Variants in PLCH1 observed in about 807,000 individuals in gnomAD.
The protein encoded by PLCH1 is 1-phosphatidylinositol 4,5-bisphosphate phosphodiesterase eta-1.
A neutral mutation model predicts 126.7 loss-of-function variants in PLCH1; 60 were observed. The observed-to-expected ratio is 0.47, with a 90% CI of 0.38 to 0.59. The LOEUF is 0.59. Ranked by LOEUF, PLCH1 falls within the 20% of genes least tolerant of loss-of-function variation. PLCH1 has a pLI of 0.00. For synonymous variants in PLCH1, 719 were observed against 734.9 expected (o/e 0.98, Z 0.35); for missense variants, 1,723 against 2,040.0 (o/e 0.84, Z 2.99).
At chr3:155,538,423 C>T (rs1723743849) in intron 10 of PLCH1, among the ~76,000 whole-genome samples, 1 of 151,608 alleles carries the variant, frequency 6.6e-6, no homozygotes, top group South Asian at 2.1e-4. Context: ...GAAATTGAAA[C>T]AACAACAAAA....
intron 2 of PLCH1, among the ~76,000 whole-genome samples, chr3:155,675,712 CT>C (rs892743514): frequency 6.6e-6 from 1 of 152,018 alleles, no homozygotes; most frequent in African/African-American, 2.4e-5. Context: ...GACTTATAAC[CT>C]AAGAATACAA....
At chr3:155,471,840 C>T (rs1435852783) in intron 21 of PLCH1, among the ~76,000 whole-genome samples, 1 of 152,030 alleles carries the variant, frequency 6.6e-6, no homozygotes, top group African/African-American at 2.4e-5. Context: ...GGATACATAA[C>T]GAAATGAAGG....
intron 2 of PLCH1, among the ~76,000 whole-genome samples, chr3:155,636,767 T>C (rs1738774706): frequency 6.6e-6 from 1 of 151,272 alleles, no homozygotes; most frequent in African/African-American, 2.4e-5. Flanking sequence ...AAATTAGATT[T>C]TGTGTCTCAG....
At chr3:155,479,559 C>T (rs1713711779), downstream of PLCH1, among the ~76,000 whole-genome samples, 1 of 151,994 alleles carries the variant, frequency 6.6e-6, no homozygotes, top group African/African-American at 2.4e-5. Flanking sequence ...CCCCCACCCA[C>T]GACCACCACC....
chr3:155,695,698 C>A (rs1351828333), intron 2 of PLCH1, among the ~76,000 whole-genome samples: 1 of 152,182 alleles, frequency 6.6e-6, no homozygotes, highest in African/African-American at 2.4e-5. Flanking sequence ...GTAATGATAA[C>A]ACAATGAAGC....
chr3:155,665,162 A>T (rs779846850), intron 2 of PLCH1, among the ~76,000 whole-genome samples: 3 of 152,144 alleles, frequency 2.0e-5, no homozygotes, highest in African/African-American at 4.8e-5. Flanking sequence ...TAACATGTTG[A>T]CAACAGCAGA....
intron 2 of PLCH1, among the ~76,000 whole-genome samples, chr3:155,691,999 C>G (rs1451352454): frequency 6.6e-6 from 1 of 151,318 alleles, no homozygotes; most frequent in Non-Finnish European, 1.5e-5. Context: ...CCACTGCACT[C>G]CAACCTGGCA....
chr3:155,588,233 C>T (rs1349988696), intron 4 of PLCH1, among the ~76,000 whole-genome samples: 1 of 151,958 alleles, frequency 6.6e-6, no homozygotes, highest in Non-Finnish European at 1.5e-5. Flanking sequence ...ATAACTAGCC[C>T]AGCTCTTTCT....
chr3:155,522,629 G>A (rs765788626), intron 11 of PLCH1, among the ~76,000 whole-genome samples: 14 of 151,870 alleles, frequency 9.2e-5, no homozygotes, highest in Non-Finnish European at 1.9e-4. Context: ...AATTATCTGA[G>A]AGTGGACTGT....
intron 1 of PLCH1, among the ~76,000 whole-genome samples, chr3:155,727,536 T>A (rs1475702770): frequency 6.6e-6 from 1 of 152,050 alleles, no homozygotes; most frequent in Non-Finnish European, 1.5e-5. Context: ...TACAAGTGTG[T>A]GCCACCACGC....
At chr3:155,710,199 A>G (rs1746993878) in intron 1 of PLCH1, among the ~76,000 whole-genome samples, 1 of 152,286 alleles carries the variant, frequency 6.6e-6, no homozygotes, top group East Asian at 1.9e-4. Context: ...TATGTTGACC[A>G]GGCTGGTCTC....
At chr3:155,483,232 T>A in intron 22 of PLCH1, 181 bp from the exon 23 acceptor site, 1 of 889,032 alleles carries the variant, frequency 1.1e-6, no homozygotes, top group Admixed American at 2.7e-5. Context: ...TGGTAAAATA[T>A]ATTTATAGGA....
Position 155,741,684 on chromosome 3 carries a change from C to CTTTTATTTTTTTT in PLCH1, c.-41+3155_-41+3156insAAAAAAAATAAAA. 1.3e-3 allele frequency among the ~76,000 whole-genome samples: 132 copies of CTTTTATTTTTTTT among 102,852 alleles called. 2 individuals are homozygous for CTTTTATTTTTTTT. The highest frequency in any genetic ancestry group is 5.5e-3 in the South Asian group (17 of 3,096). The allele number at this position is 102,852 out of a possible 152,430, so 67.5% of individuals were successfully genotyped here. Reference sequence around the variant, plus strand: ...TCCTTTTATCATAATTTTATATCCTCTTTTTTTTTTTTTTTTTTTTGTTCA... The same window carrying CTTTTATTTTTTTT: ...TCCTTTTATCATAATTTTATATCCTCTTTTATTTTTTTTTTTTTTTTTTTTTTTTTTTTGTTCA... On this transcript the variant is annotated intron_variant, in intron 1 of 22. Transcript: ENST00000460012.
intron 2 of PLCH1, among the ~76,000 whole-genome samples, chr3:155,684,788 T>C (rs1192905080): frequency 1.3e-5 from 2 of 152,140 alleles, no homozygotes; most frequent in East Asian, 3.9e-4. Flanking sequence ...AAAAATCAAC[T>C]CCTTTGTCTC....
At chr3:155,512,848 A>C (rs1056575697) in intron 12 of PLCH1, among the ~76,000 whole-genome samples, 5 of 152,220 alleles carry the variant, frequency 3.3e-5, no homozygotes, top group African/African-American at 1.2e-4. Flanking sequence ...AACTATCACT[A>C]TGGCAGTGGT....
chr3:155,609,013 C>T (rs961264133), intron 2 of PLCH1, among the ~76,000 whole-genome samples: 9 of 152,192 alleles, frequency 5.9e-5, no homozygotes, highest in African/African-American at 2.2e-4. Flanking sequence ...AATTCCATCT[C>T]ATGCAACATA....
At chr3:155,598,622 T>C (rs915927828) in intron 2 of PLCH1, among the ~76,000 whole-genome samples, 2 of 152,210 alleles carry the variant, frequency 1.3e-5, no homozygotes, top group African/African-American at 4.8e-5. Context: ...TTAATGGCAA[T>C]TCAGAGCTGT....
chr3:155,699,822 TCACA>T (rs59082626), intron 2 of PLCH1, among the ~76,000 whole-genome samples: 18 of 147,616 alleles, frequency 1.2e-4, no homozygotes, highest in East Asian at 2.0e-4. Flanking sequence ...CTGTGACCAT[TCACA>T]CACACACACA....
chr3:155,539,349 C>A (rs547338176), intron 10 of PLCH1, among the ~76,000 whole-genome samples: 18 of 152,120 alleles, frequency 1.2e-4, no homozygotes, highest in Non-Finnish European at 2.4e-4. Flanking sequence ...TAGAACAAGA[C>A]AAGGATGCCC....
Sources: allele counts gnomAD v4.1 joint callset (sites outside exome capture counted in the v4.1 genomes callset), GRCh38; gene constraint gnomAD v4.1.1; transcripts MANE v1.5; gene names NCBI Gene and HGNC (gene_info 2026-07-23, HGNC 2026-07-21).